ZFAT: variants seen among roughly 807,000 people sequenced by gnomAD.
The protein encoded by ZFAT is zinc finger and AT-hook domain containing.
A neutral mutation model predicts 117.7 loss-of-function variants in ZFAT; 64 were observed. The observed-to-expected ratio is 0.54, with a 90% CI of 0.44 to 0.67. The LOEUF (loss-of-function observed/expected upper bound fraction) is 0.67, where lower values mean the gene tolerates loss of function less well. Among genes scored for constraint, ZFAT ranks in the 30% least tolerant of loss-of-function variants. The probability of loss-of-function intolerance (pLI) is 0.00; values close to 1 mark genes in which losing one functional copy is unlikely to be tolerated. For missense variants in ZFAT, 1,433 were observed against 1,584.5 expected, an observed-to-expected ratio of 0.90 and a Z score of 1.62; for synonymous variants, 679 against 615.0, an observed-to-expected ratio of 1.10 and a Z score of -1.54.
At chr8:134,600,360 C>T in intron 7 of ZFAT, 76 bp downstream of exon 7, 1 of 1,313,078 alleles carries the variant, frequency 7.6e-7, no homozygotes, top group Non-Finnish European at 1.1e-6. Context: ...GCAGAGACAC[C>T]TACATATAAG....
intron 5 of ZFAT, among the ~76,000 whole-genome samples, chr8:134,605,790 G>C (rs1246685121): frequency 6.6e-6 from 1 of 152,200 alleles, no homozygotes; most frequent in Non-Finnish European, 1.5e-5. Context: ...TTAAAAAAGT[G>C]TTCCAGGTAC....
chr8:134,550,000 A>G (rs114802082), intron 11 of ZFAT, among the ~76,000 whole-genome samples: 3,396 of 152,298 alleles, frequency 0.022, 142 homozygotes, highest in African/African-American at 0.077. Context: ...TCGTGTTAGC[A>G]TGTAAAGAAG....
the ZFAT span, among the ~76,000 whole-genome samples, chr8:134,770,936 A>G: frequency 0.76 from 116,268 of 152,090 alleles, 44,956 homozygotes; most frequent in African/African-American, 0.88. Context: ...GGTCAGACCG[A>G]TTGATCTCAA....
At chr8:134,782,651 T>C in the ZFAT span, among the ~76,000 whole-genome samples, 24,023 of 152,072 alleles carry the variant, frequency 0.16, 6,319 homozygotes, top group African/African-American at 0.55. Context: ...CAAGATCTGA[T>C]AGTTTTATAA....
chr8:134,533,670 T>A (rs1369075846), intron 11 of ZFAT, among the ~76,000 whole-genome samples: 2 of 152,248 alleles, frequency 1.3e-5, no homozygotes, highest in East Asian at 3.8e-4. Flanking sequence ...AGGTAAAATC[T>A]ATTTCTCATG....
chr8:134,567,998 T>G (rs931264000), intron 10 of ZFAT, among the ~76,000 whole-genome samples: 3 of 152,226 alleles, frequency 2.0e-5, no homozygotes, highest in African/African-American at 7.2e-5. Context: ...AAGGCAGGGC[T>G]GCCTTCAGCT....
chr8:134,718,698 A>C, the ZFAT span, among the ~76,000 whole-genome samples: 1 of 152,194 alleles, frequency 6.6e-6, no homozygotes, highest in Non-Finnish European at 1.5e-5. Flanking sequence ...CCGTTGTTGA[A>C]GAAAAGGATA....
chr8:134,691,011 G>C (rs899416491), intron 1 of ZFAT, among the ~76,000 whole-genome samples: 2 of 152,208 alleles, frequency 1.3e-5, no homozygotes, highest in African/African-American at 2.4e-5. Context: ...TTATAATCTA[G>C]TTTTGTAGAC....
At chr8:134,742,889 G>A in the ZFAT span, among the ~76,000 whole-genome samples, 1 of 152,314 alleles carries the variant, frequency 6.6e-6, no homozygotes, top group Admixed American at 6.5e-5. Context: ...CTAAGGGGAG[G>A]GCCCTCCTGC....
chr8:134,544,354 T>C (rs78024123), intron 11 of ZFAT, among the ~76,000 whole-genome samples: 3,021 of 152,238 alleles, frequency 0.02, 113 homozygotes, highest in African/African-American at 0.069. Context: ...GGAAGATTGC[T>C]TGCCTCTTTC....
chr8:134,718,465 C>T, the ZFAT span, among the ~76,000 whole-genome samples: 1 of 152,148 alleles, frequency 6.6e-6, no homozygotes, highest in Admixed American at 6.5e-5. Context: ...GCCATTCACT[C>T]CAGCCTGGGC....
chr8:134,813,074 C>T, the ZFAT span, among the ~76,000 whole-genome samples: 1 of 152,228 alleles, frequency 6.6e-6, no homozygotes, highest in South Asian at 2.1e-4. Context: ...ATATTTAACA[C>T]AGCTGGAGAT....
the ZFAT span, among the ~76,000 whole-genome samples, chr8:134,758,960 A>G: frequency 6.6e-6 from 1 of 152,258 alleles, no homozygotes; most frequent in Non-Finnish European, 1.5e-5. Context: ...TGATGGATCC[A>G]GGATCCATGA....
chr8:134,601,602 G>A lies in ZFAT; in HGVS notation c.2117C>T (p.Pro706Leu). 2 of 1,614,232 alleles carry A rather than the reference G, an allele frequency of 1.2e-6. No homozygotes were observed. Among genetic ancestry groups the A allele is most frequent in the Non-Finnish European group, 1.7e-6 (2 of 1,180,046 alleles). ...AGCGGTGATGCCTGACCGGTGCTCA[G>A]GGGCAGCTTTGCAAGAGTCAGGCTG... ...THQPDSCKAA[P>L]EHRSGITAFM... Residue 706 changes from proline (P) to leucine (L), a missense_variant, in exon 6 of 16, where the codon CCT (proline) becomes CTT (leucine). By Grantham distance (98) the Pro-to-Leu change is moderately conservative. Around this residue, in one of 5 missense-constraint regions of ZFAT, gnomAD observed 372 missense variants for 355.6 expected, o/e 1.05. Coordinates refer to ENST00000377838, the MANE Select transcript of ZFAT (RefSeq NM_020863.4).
intron 1 of ZFAT, among the ~76,000 whole-genome samples, chr8:134,698,702 C>G (rs1348240262): frequency 2.0e-5 from 3 of 152,100 alleles, no homozygotes; most frequent in African/African-American, 7.2e-5. Context: ...TCCCGGACAC[C>G]CCCAGGGATC....
chr8:134,826,982 A>C, the ZFAT span, among the ~76,000 whole-genome samples: 1 of 152,356 alleles, frequency 6.6e-6, no homozygotes, highest in African/African-American at 2.4e-5. Context: ...AAAACCCTTT[A>C]GGGAGAAAAA....
the ZFAT span, among the ~76,000 whole-genome samples, chr8:134,818,551 T>C: frequency 6.6e-6 from 1 of 152,236 alleles, no homozygotes; most frequent in African/African-American, 2.4e-5. Context: ...TAGGTAGGTA[T>C]AGAACATATA....
chr8:134,759,216 T>C, the ZFAT span, among the ~76,000 whole-genome samples: 6 of 152,226 alleles, frequency 3.9e-5, no homozygotes, highest in Admixed American at 2.6e-4. Flanking sequence ...AGGTTCTTAT[T>C]TGACCCTCAC....
At chr8:134,793,955 T>C in the ZFAT span, 5 of 152,188 alleles carry the variant, frequency 3.3e-5, no homozygotes, top group East Asian at 9.6e-4. Flanking sequence ...ACTATAACAT[T>C]CTCATTTACA....
Sources: gnomAD v4.1 joint callset for allele counts (sites outside exome capture counted in the v4.1 genomes callset) on GRCh38, gnomAD v4.1.1 for gene constraint, gnomAD v4.1.1 regional missense constraint, MANE v1.5 for transcripts, NCBI Gene and HGNC (gene_info 2026-07-23, HGNC 2026-07-21) for gene names.